Variants in FBXL13 observed in about 807,000 individuals in gnomAD.
FBXL13 encodes F-box and leucine rich repeat protein 13, also known as F-box and leucine-rich repeat protein 13.
Under a neutral mutation model 83.6 loss-of-function variants are expected in FBXL13, and 67 were observed. The observed-to-expected ratio is 0.80, with a 90% CI of 0.66 to 0.98. The LOEUF is 0.98. FBXL13 is among the 50% of genes least tolerant of loss of function. FBXL13 has a pLI of 0.00. For synonymous variants in FBXL13, 272 were observed against 299.5 expected (o/e 0.91, Z 0.95); for missense variants, 822 against 866.5 (o/e 0.95, Z 0.64).
At chr7:103,005,099 T>C (rs1790840939) in intron 6 of FBXL13, among the ~76,000 whole-genome samples, 1 of 152,248 alleles carries the variant, frequency 6.6e-6, no homozygotes, top group Non-Finnish European at 1.5e-5. Context: ...AAGTTAATTA[T>C]ACAGCTTTCT....
chr7:102,833,024 A>G, intron 17 of FBXL13, 50 bp from the exon 19 acceptor site: 1 of 1,599,016 alleles, frequency 6.3e-7, no homozygotes. Flanking sequence ...GTCATCTAGA[A>G]CTGTCTTACT....
intron 17 of FBXL13, among the ~76,000 whole-genome samples, chr7:102,847,183 A>C (rs1480738029): frequency 2.0e-5 from 3 of 151,688 alleles, no homozygotes; most frequent in Admixed American, 2.0e-4. Context: ...AACAGAAACT[A>C]CCTGACCCTT....
chr7:102,948,288 T>C (rs369990659), intron 8 of FBXL13, among the ~76,000 whole-genome samples: 7 of 151,994 alleles, frequency 4.6e-5, no homozygotes, highest in Admixed American at 2.6e-4. Context: ...GGTCTCAAAC[T>C]CCTGACTTCA....
intron 11 of FBXL13, among the ~76,000 whole-genome samples, chr7:102,884,908 C>T (rs1215978360): frequency 2.6e-5 from 4 of 152,102 alleles, no homozygotes; most frequent in Non-Finnish European, 5.9e-5. Context: ...CCTTTTGTTC[C>T]TGGCTTCTTT....
intron 16 of FBXL13, among the ~76,000 whole-genome samples, chr7:102,870,215 G>T (rs1226508000): frequency 1.3e-5 from 2 of 152,158 alleles, no homozygotes; most frequent in Non-Finnish European, 2.9e-5. Flanking sequence ...AGGTAACACT[G>T]CTCTAGGGAA....
intron 18 of FBXL13, among the ~76,000 whole-genome samples, chr7:102,822,799 A>G (rs770885483): frequency 6.6e-6 from 1 of 152,250 alleles, no homozygotes; most frequent in Non-Finnish European, 1.5e-5. Flanking sequence ...TTAGCAAGGC[A>G]CAGTGGCTCA....
intron 11 of FBXL13, among the ~76,000 whole-genome samples, chr7:102,911,420 G>A (rs1340327569): frequency 6.6e-6 from 1 of 152,172 alleles, no homozygotes; most frequent in Non-Finnish European, 1.5e-5. Flanking sequence ...TTAAGGGGCA[G>A]GCTTATCAGT....
intron 1 of FBXL13, among the ~76,000 whole-genome samples, chr7:103,069,407 A>G (rs995570564): frequency 6.6e-6 from 1 of 152,222 alleles, no homozygotes; most frequent in Non-Finnish European, 1.5e-5. Flanking sequence ...TTTACTTTTA[A>G]AAGTTTTAAA....
intron 16 of FBXL13, among the ~76,000 whole-genome samples, chr7:102,875,464 A>T (rs931979953): frequency 6.6e-6 from 1 of 151,838 alleles, no homozygotes; most frequent in African/African-American, 2.4e-5. Context: ...TCTGTTCTAG[A>T]CCTTCTCACT....
At chr7:102,981,377 C>G (rs1211478329) in intron 6 of FBXL13, among the ~76,000 whole-genome samples, 1 of 151,076 alleles carries the variant, frequency 6.6e-6, no homozygotes, top group African/African-American at 2.4e-5. Context: ...CTGTATGTAC[C>G]CATCTCCCAT....
chr7:102,934,568 C>T, intron 8 of FBXL13: 1 of 1,613,978 alleles, frequency 6.2e-7, no homozygotes, highest in Non-Finnish European at 8.5e-7. Context: ...AGAAAAGGAA[C>T]AATTGGACCC....
At chr7:103,037,535 T>G (rs1487321572) in intron 2 of FBXL13, among the ~76,000 whole-genome samples, 1 of 152,154 alleles carries the variant, frequency 6.6e-6, no homozygotes, top group African/African-American at 2.4e-5. Flanking sequence ...AAAGACACAG[T>G]GGGTCACGCC....
chr7:102,920,908 C>T (rs1384692610), intron 10 of FBXL13, among the ~76,000 whole-genome samples: 3 of 152,158 alleles, frequency 2.0e-5, no homozygotes, highest in Non-Finnish European at 4.4e-5. Context: ...AATCCCAGCA[C>T]TTTGGGAGGC....
intron 2 of FBXL13, among the ~76,000 whole-genome samples, chr7:103,046,356 T>G (rs1298728545): frequency 6.6e-6 from 1 of 152,224 alleles, no homozygotes; most frequent in African/African-American, 2.4e-5. Flanking sequence ...CAGCCTATCA[T>G]GAGGGATACA....
At chr7:103,062,133 A>G (rs1797988643) in intron 1 of FBXL13, among the ~76,000 whole-genome samples, 1 of 151,706 alleles carries the variant, frequency 6.6e-6, no homozygotes, top group South Asian at 2.1e-4. Flanking sequence ...CATCTTCCCT[A>G]AATGCTAAAC....
intron 11 of FBXL13, among the ~76,000 whole-genome samples, chr7:102,890,053 G>T (rs1400229439): frequency 2.0e-5 from 3 of 152,092 alleles, no homozygotes; most frequent in Admixed American, 2.0e-4. Flanking sequence ...GTCCTGGCAT[G>T]AAGTACTTAG....
At chr7:103,073,951 A>G (rs1305011031) in intron 1 of FBXL13, among the ~76,000 whole-genome samples, 4 of 152,150 alleles carry the variant, frequency 2.6e-5, no homozygotes, top group Non-Finnish European at 5.9e-5. Flanking sequence ...CTTGGTAAAT[A>G]TCTCACCAAC....
At chr7:102,907,068 G>A (rs2129467696) in intron 11 of FBXL13, among the ~76,000 whole-genome samples, 1 of 152,156 alleles carries the variant, frequency 6.6e-6, no homozygotes, top group Non-Finnish European at 1.5e-5. Context: ...CACCTCCCGG[G>A]TTCAAACAAT....
chr7:103,020,440 C>T (rs1793012176), intron 6 of FBXL13, among the ~76,000 whole-genome samples: 1 of 152,194 alleles, frequency 6.6e-6, no homozygotes, highest in African/African-American at 2.4e-5. Context: ...TCTCTCACCA[C>T]TCCGATTCAA....
Sources: allele counts gnomAD v4.1 joint callset (sites outside exome capture counted in the v4.1 genomes callset), GRCh38; gene constraint gnomAD v4.1.1; transcripts MANE v1.5; gene names NCBI Gene and HGNC (gene_info 2026-07-23, HGNC 2026-07-21).